RIN1: variants seen among roughly 807,000 people sequenced by gnomAD.
RIN1 encodes the protein Ras and Rab interactor 1, also known as ras inhibitor 1.
In RIN1, 52 loss-of-function variants were observed where a neutral mutation model predicts 64.9. The ratio of observed to expected loss-of-function variants is 0.80; its 90% CI spans 0.64 to 1.01. The LOEUF is 1.01. RIN1 is among the 50% of genes least tolerant of loss of function. RIN1 has a pLI of 0.00. For missense variants in RIN1, 1,040 were observed against 1,064.5 expected (o/e 0.98, Z 0.32); for synonymous variants, 486 against 483.6 (o/e 1.00, Z -0.06).
At position 66,332,327 on chromosome 11, in the gene RIN1, A is replaced by G. The variant is rs770604598; in HGVS notation, c.2301T>C (p.Pro767=). ...CTGCCTCTGGTTCCCCTGGCTGAGC[A>G]GGGCCTTCCTGGGCTTGACCCTGGC... is the stretch of plus-strand genomic sequence containing the variant. ...EGGQGQAQEG[P]AQPGEPEAEG... Residue 767 remains proline, a synonymous_variant, in exon 10 of 10, where the codon CCT becomes CCC. Transcript: ENST00000311320. The G allele has an allele frequency of 2.5e-5, 40 of 1,614,110 alleles. No individual in the cohort carries two copies. The highest frequency in any genetic ancestry group is 3.3e-5 in the Non-Finnish European group (39 of 1,180,020).
rs567439359 is a variant in RIN1 at position 66,335,808 on chromosome 11, A to G, written c.336T>C (p.Ser112=). Reference sequence around the variant, plus strand: ...AGTGGCTGGAGACGAAGGAGGGGCCACTGGCTTCAGGCAACCGCATGCACA... The same window carrying G: ...AGTGGCTGGAGACGAAGGAGGGGCCGCTGGCTTCAGGCAACCGCATGCACA... ...QALCMRLPEA[S]GPSFVSSHYI... Residue 112 remains serine (S), a synonymous_variant, in exon 3 of 10, where the codon AGT becomes AGC. Coordinates refer to ENST00000311320, the MANE Select transcript of RIN1 (RefSeq NM_004292.3). 55 of 1,610,062 alleles carry G rather than the reference A, an allele frequency of 3.4e-5. No individual in the cohort carries two copies. The highest frequency in any genetic ancestry group is 2.7e-4 in the East Asian group (12 of 44,830).
In RIN1 at chr11:66,334,583, G is replaced by A. The variant is rs1854826834; in HGVS notation, c.1216C>T (p.Leu406=). 1.9e-6 allele frequency: 3 copies of A among 1,584,082 alleles called. No homozygotes were observed. The change falls in exon 6 of 10, where the codon CTG becomes TTG. Residue 406 remains leucine, a synonymous_variant. Transcript: ENST00000311320. ...CTCAGCATGGCCCGGGCCCGGCTCA[G>A]CGCCTGACGGATGCCCTGCAGCTCC... ...PQELQGIRQA[L]SRARAMLSAE...
chr11:66,334,513 C>A lies in RIN1; in HGVS notation c.1285+1G>T. 1 of 1,596,574 alleles carries A rather than the reference C, an allele frequency of 6.3e-7. No individual in the cohort carries two copies. Among genetic ancestry groups the A allele is most frequent in the Admixed American group, 1.8e-5 (1 of 56,918 alleles). On this transcript the variant is annotated splice_donor_variant, in intron 6 of 9. Transcript: ENST00000311320. LOFTEE classifies it high-confidence loss of function. ...GGAGCTATGGAGAGACGGAGCCTCA[C>A]CCAGCCTCTTAGGCGACAGCAGCTT...
chr11:66,333,866 C>G, intron 7 of RIN1, 53 bp downstream of exon 7: 1 of 1,464,126 alleles, frequency 6.8e-7, no homozygotes, highest in African/African-American at 1.4e-5. Flanking sequence ...CGCTGGGGGG[C>G]CCGCCTCTGA....
intron 9 of RIN1, 79 bp downstream of exon 9, chr11:66,333,179 C>T (rs1565199708): frequency 1.3e-6 from 2 of 1,539,504 alleles, no homozygotes; most frequent in Non-Finnish European, 1.8e-6. Context: ...TCTACAGAGT[C>T]TGGACTCTTC....
In RIN1 at chr11:66,336,147, T is replaced by C; in HGVS notation, c.98A>G (p.Asp33Gly). 6.9e-7 allele frequency: 1 copy of C among 1,451,792 alleles called. No individual in the cohort carries two copies. The highest frequency in any genetic ancestry group is 9.1e-7 in the Non-Finnish European group (1 of 1,103,104). 89.9% of individuals were successfully genotyped at this position (1,451,792 alleles called of 1,614,324 possible). The change falls in exon 2 of 10, where the codon GAC (aspartate) becomes GGC (glycine). Residue 33 changes from aspartate to glycine, a missense_variant. By Grantham distance (94) the Asp-to-Gly change is moderately conservative. Coordinates refer to ENST00000311320, the MANE Select transcript of RIN1 (RefSeq NM_004292.3). ...GHLAREKPAQ[D>G]PLYDVPNASG... ...GGCATTGGGCACGTCATACAGTGGG[T>C]CCTGGGCTGGCCTGGGGGCAGGCAC...
At position 66,333,578 on chromosome 11, in the gene RIN1, C is replaced by CCAG; in HGVS notation, c.1669_1671dup (p.Leu557dup). The CCAG allele has an allele frequency of 6.2e-7, 1 of 1,613,498 alleles. No individual in the cohort carries two copies. Among genetic ancestry groups the CCAG allele is most frequent in the Non-Finnish European group, 8.5e-7 (1 of 1,179,996 alleles). On this transcript the variant is annotated inframe_insertion, in exon 8 of 10. Transcript: ENST00000311320. ...AGCAGCTCCGACATGTACTCGGCCT[C>CCAG]CAGCAGCAGCTCAGGAAGGTCACAG...
Position 66,332,442 on chromosome 11 carries a change from T to C in RIN1, c.2186A>G (p.Glu729Gly). The change falls in exon 10 of 10, where the codon GAG becomes GGG. Residue 729 changes from glutamate to glycine, a missense_variant. Coordinates refer to ENST00000311320, the MANE Select transcript of RIN1 (RefSeq NM_004292.3). ...CCCATCTCCCTGGCACCCTTGCTCCTCCCCTCTGCTTCTTGCCTCTGACTG... is the reference window on the plus strand; with the variant it reads ...CCCATCTCCCTGGCACCCTTGCTCCCCCCCTCTGCTTCTTGCCTCTGACTG... Reference protein sequence around the residue: ...SGQSEARSRGEEQGCQGDGDA... With the variant: ...SGQSEARSRGGEQGCQGDGDA... 1 of 1,614,162 alleles carries C rather than the reference T, an allele frequency of 6.2e-7. No individual in the cohort carries two copies. The highest frequency in any genetic ancestry group is 8.5e-7 in the Non-Finnish European group (1 of 1,180,010).
intron 3 of RIN1, 31 bp from the exon 4 acceptor site, chr11:66,335,713 TG>T (rs1330009906): frequency 6.2e-7 from 1 of 1,612,196 alleles, no homozygotes; most frequent in South Asian, 1.1e-5. Context: ...GGTGCTTCTC[TG>T]GGGAACCTCC....
At chr11:66,333,035 C>T (rs949432575) in intron 9 of RIN1, 2 of 616,594 alleles carry the variant, frequency 3.2e-6, no homozygotes, top group South Asian at 3.9e-5. Flanking sequence ...CTCATTTAAT[C>T]TTCACCTCAA....
rs1251638416 is a variant in RIN1, at chr11:66,334,666, G to A, written c.1133C>T (p.Ala378Val). Residue 378 changes from alanine to valine, a missense_variant, in exon 6 of 10, where the codon GCC becomes GTC. Coordinates refer to ENST00000311320, the MANE Select transcript of RIN1 (RefSeq NM_004292.3). The part of the protein sequence containing the change: ...AAALMQDRHT[A>V]AGQLVQDLLT... ...TAGGTCCTGCACCAGCTGGCCCGCG[G>A]CTGTGTGTCGGTCCTGCATCAGTGC... is the stretch of plus-strand genomic sequence containing the variant. 1 of 1,558,080 alleles carries A rather than the reference G, an allele frequency of 6.4e-7. No homozygotes were observed. Among genetic ancestry groups the A allele is most frequent in the Non-Finnish European group, 8.7e-7 (1 of 1,153,554 alleles).
chr11:66,335,110 G>C lies in RIN1; in HGVS notation c.689C>G (p.Pro230Arg), dbSNP rs545135172. Residue 230 changes from proline (P) to arginine (R), a missense_variant, in exon 6 of 10, where the codon CCG becomes CGG. Physicochemically the swap from Pro to Arg is moderately radical, Grantham distance 103. Coordinates refer to ENST00000311320, the MANE Select transcript of RIN1 (RefSeq NM_004292.3). ...AALCFFNPLF[P>R]GDLGPTKREK... is the part of the protein sequence containing the mutation. ...CCGCTTGGTGGGCCCTAGGTCCCCC[G>C]GGAACAGGGGGTTGAAGAAGCACAA... 1 of 1,534,580 alleles carries C rather than the reference G, an allele frequency of 6.5e-7. No individual in the cohort carries two copies. Among genetic ancestry groups the C allele is most frequent in the East Asian group, 2.3e-5 (1 of 44,044 alleles).
In RIN1 at chr11:66,335,342, C is replaced by G. The variant is rs914643997; in HGVS notation, c.547+65G>C. 9.6e-6 allele frequency: 15 copies of G among 1,556,046 alleles called. No homozygotes were observed. In the African/African-American group the frequency reaches 1.2e-4, roughly 13 times the overall value. Reference sequence around the variant, plus strand: ...GGCAGGGGCTTCGGGCGGTGTGCTGCGAGCCTTGCCTTCCCCTCGGCCTCA... The same window carrying G: ...GGCAGGGGCTTCGGGCGGTGTGCTGGGAGCCTTGCCTTCCCCTCGGCCTCA... On this transcript the variant is annotated intron_variant, in intron 5 of 9. Transcript: ENST00000311320.
rs1031878268 is a variant in RIN1, at chr11:66,336,074, G to T, written c.171C>A (p.Ser57Arg). ...GGGTGAGCAGCAGGCGCTCCCGCAG[G>T]CTCACAACGCGCCCCGGCCGCTGCG... ...GGPQRPGRVV[S>R]LRERLLLTRP... Residue 57 changes from serine to arginine, a missense_variant, in exon 2 of 10, where the codon AGC (serine) becomes AGA (arginine). Ser to Arg is a moderately radical substitution (Grantham distance 110, BLOSUM62 -1). Transcript: ENST00000311320. 4 of 1,460,828 alleles carry T rather than the reference G, an allele frequency of 2.7e-6. No individual in the cohort carries two copies. Among genetic ancestry groups the T allele is most frequent in the Non-Finnish European group, 3.6e-6 (4 of 1,107,734 alleles). The allele number at this position is 1,460,828 out of a possible 1,614,324, so 90.5% of individuals were successfully genotyped here.
Position 66,333,598 on chromosome 11 carries a change from T to C in RIN1, c.1652A>G (p.Asp551Gly). The C allele has an allele frequency of 6.2e-7, 1 of 1,613,290 alleles. No homozygotes were observed. Among genetic ancestry groups the C allele is most frequent in the Middle Eastern group, 1.7e-4 (1 of 6,060 alleles). Residue 551 changes from aspartate (D) to glycine (G), a missense_variant, in exon 8 of 10, where the codon GAC (aspartate) becomes GGC (glycine). By Grantham distance (94) the Asp-to-Gly change is moderately conservative. Transcript: ENST00000311320. ...PLLSLVLAHC[D>G]LPELLLEAEY... ...GGCCTCCAGCAGCAGCTCAGGAAGG[T>C]CACAGTGGGCCAAGACGAGGCTCAG... is the stretch of plus-strand genomic sequence containing the variant.
At position 66,335,397 on chromosome 11, in the gene RIN1, A is replaced by G; in HGVS notation, c.547+10T>C. On this transcript the variant is annotated intron_variant, in intron 5 of 9. Coordinates refer to ENST00000311320, the MANE Select transcript of RIN1 (RefSeq NM_004292.3). The stretch of plus-strand genomic sequence containing the variant: ...GTTCATCTGTGCAATGGGTGGCAGG[A>G]AGCCCTTACCAATGCCCAGATGGGA... 1 of 1,600,796 alleles carries G rather than the reference A, an allele frequency of 6.2e-7. No individual in the cohort carries two copies. Among genetic ancestry groups the G allele is most frequent in the African/African-American group, 1.3e-5 (1 of 74,824 alleles).
rs376683981 is a variant in RIN1, at chr11:66,334,737, G to A, written c.1062C>T (p.Phe354=). The A allele has an allele frequency of 3.9e-5, 60 of 1,549,590 alleles. No homozygotes were observed. The African/African-American group carries it at 7.5e-4, about 19-fold the overall frequency. ...GCCGCTCCGGTGCCAGTAGGGAGCA[G>A]AAGGCGGCGCTCATGGACCGAAGCA... ...RPLLRSMSAA[F]CSLLAPERQV... Residue 354 remains phenylalanine (F), a synonymous_variant, in exon 6 of 10, where the codon TTC becomes TTT. Transcript: ENST00000311320.
rs1329490381 is a variant in RIN1 at position 66,336,103 on chromosome 11, C to G, written c.142G>C (p.Gly48Arg). The change falls in exon 2 of 10, where the codon GGG becomes CGG. Residue 48 changes from glycine (G) to arginine (R), a missense_variant. By Grantham distance (125) the Gly-to-Arg change is moderately radical (BLOSUM62 -2). Transcript: ENST00000311320. ...VPNASGGQAG[G>R]PQRPGRVVSL... ...ACAACGCGCCCCGGCCGCTGCGGCC[C>G]GCCTGCCTGCCCGCCGCTGGCATTG... The G allele has an allele frequency of 3.5e-6, 5 of 1,443,544 alleles. No homozygotes were observed. Among genetic ancestry groups the G allele is most frequent in the Non-Finnish European group, 3.6e-6 (4 of 1,100,414 alleles). The allele number at this position is 1,443,544 out of a possible 1,614,324, so 89.4% of individuals were successfully genotyped here.
Position 66,335,613 on chromosome 11 carries a change from G to C in RIN1, c.452C>G (p.Thr151Ser). The C allele has an allele frequency of 1.9e-6, 3 of 1,613,738 alleles. No homozygotes were observed. Among genetic ancestry groups the C allele is most frequent in the Non-Finnish European group, 2.5e-6 (3 of 1,179,858 alleles). The change falls in exon 4 of 10, where the codon ACC (threonine) becomes AGC (serine). Residue 151 changes from threonine to serine, a missense_variant. Coordinates refer to ENST00000311320, the MANE Select transcript of RIN1 (RefSeq NM_004292.3). Reference protein sequence around the residue: ...LVQLICAYCHTRDILLLPLQL... With the variant: ...LVQLICAYCHSRDILLLPLQL... ...GGCACCCTGCGGGCAGACTCACCGG[G>C]TGTGGCAGTAGGCACAGATGAGCTG...
Sources: allele counts gnomAD v4.1 joint callset, GRCh38; gene constraint gnomAD v4.1.1; transcripts MANE v1.5; gene names NCBI Gene and HGNC (gene_info 2026-07-23, HGNC 2026-07-21).